OTULIN: variants seen among roughly 807,000 people sequenced by gnomAD.
The protein encoded by OTULIN is OTU deubiquitinase with linear linkage specificity.
A neutral mutation model predicts 39.6 loss-of-function variants in OTULIN; 15 were observed. The observed-to-expected ratio is 0.38, with a 90% CI of 0.25 to 0.58. OTULIN has a LOEUF of 0.58. OTULIN is among the 20% of genes least tolerant of loss of function. The probability of loss-of-function intolerance (pLI) is 0.66; values close to 1 mark genes in which losing one functional copy is unlikely to be tolerated. For missense variants in OTULIN, 319 were observed against 445.9 expected (o/e 0.72, Z 2.56); for synonymous variants, 156 against 170.3 (o/e 0.92, Z 0.65).
Position 14,693,823 on chromosome 5 carries a change from G to A in OTULIN, c.*775G>A, listed in dbSNP as rs1283863514. Reference sequence around the variant, plus strand: ...CTTGCTCCTTGTGACTATGACAGATGTCTGATGCCCCCAGCGCACTGGAGT... The same window carrying A: ...CTTGCTCCTTGTGACTATGACAGATATCTGATGCCCCCAGCGCACTGGAGT... On this transcript the variant is annotated 3_prime_UTR_variant, in exon 7 of 7. Transcript: ENST00000284274. 1 of 152,274 alleles carries A rather than the reference G, an allele frequency of 6.6e-6. No homozygotes were observed. The highest frequency in any genetic ancestry group is 2.4e-5 in the African/African-American group (1 of 41,456). 9.4% of individuals were successfully genotyped at this position (152,274 alleles called of 1,614,324 possible).
chr5:14,680,786 C>T (rs772955527), intron 3 of OTULIN, among the ~76,000 whole-genome samples: 14 of 152,192 alleles, frequency 9.2e-5, no homozygotes, highest in African/African-American at 3.4e-4. Context: ...AGGCGGGGCA[C>T]GGTGGCTCAC....
chr5:14,670,508 C>A (rs1158527590), intron 1 of OTULIN, among the ~76,000 whole-genome samples: 1 of 152,166 alleles, frequency 6.6e-6, no homozygotes, highest in Non-Finnish European at 1.5e-5. Context: ...GTAACTATTT[C>A]ATTCTGCCTG....
intron 3 of OTULIN, among the ~76,000 whole-genome samples, chr5:14,681,144 C>T (rs755783082): frequency 7.9e-5 from 12 of 152,170 alleles, no homozygotes; most frequent in South Asian, 4.1e-4. Context: ...AAAGCACCCC[C>T]GCCCCCCTTT....
the OTULIN span, chr5:14,713,777 G>T: frequency 6.6e-7 from 1 of 1,525,102 alleles, no homozygotes; most frequent in Non-Finnish European, 9.0e-7. This position sits in a 1 kb window ranked among gnomAD's most constrained non-coding sequence, Gnocchi z 4.4. Context: ...CTAGGACCCT[G>T]GCCTTGCTGT....
rs577887208 is a variant in OTULIN, at chr5:14,665,029, C to T, written c.152+52C>T. ...GGCCGTGGGCGGCGGGCTCGGTCCC[C>T]TCCGGAAGCCGGGCTGGGGTGGGGA... On this transcript the variant is annotated intron_variant, in intron 1 of 6. Coordinates refer to ENST00000284274, the MANE Select transcript of OTULIN (RefSeq NM_138348.6). 721 of 1,029,816 alleles carry T rather than the reference C, an allele frequency of 7.0e-4. 8 individuals are homozygous for T. In the African/African-American group the frequency reaches 0.011, roughly 16 times the overall value. 63.8% of individuals were successfully genotyped at this position (1,029,816 alleles called of 1,614,324 possible). A position where few individuals can be genotyped will look rare whatever the true frequency, so the allele number is the denominator to read the frequency against.
intron 1 of OTULIN, 128 bp downstream of exon 1, chr5:14,665,105 C>A (rs1262014854): frequency 2.2e-5 from 17 of 772,266 alleles, no homozygotes; most frequent in Non-Finnish European, 2.1e-5. Flanking sequence ...AGGCCGTTGG[C>A]GACAAGGAGG....
the OTULIN span, chr5:14,709,252 T>TA: frequency 6.6e-6 from 1 of 152,026 alleles, no homozygotes; most frequent in Non-Finnish European, 1.5e-5. Context: ...TCACACATGT[T>TA]AAAAAATACT....
rs577811639 is a variant in OTULIN, at chr5:14,673,528, A to C, written c.153-114A>C. 16 of 651,948 alleles carry C rather than the reference A, an allele frequency of 2.5e-5. No homozygotes were observed. The South Asian group carries it at 4.8e-4, about 20-fold the overall frequency. 40.4% of individuals were successfully genotyped at this position (651,948 alleles called of 1,614,324 possible). ...TATTTTATTAGATTATCATCATGTA[A>C]AGTGAAAAAAGTTAAACCCTTAGTA... On this transcript the variant is annotated intron_variant, in intron 1 of 6. Transcript: ENST00000284274.
chr5:14,689,719 A>G (rs115770898), intron 5 of OTULIN, among the ~76,000 whole-genome samples: 2,217 of 152,200 alleles, frequency 0.015, 51 homozygotes, highest in African/African-American at 0.051. Context: ...CTTCACACAC[A>G]TGTGTTAGCT....
chr5:14,692,963 A>G lies in OTULIN; in HGVS notation c.974A>G (p.Lys325Arg). The change falls in exon 7 of 7, where the codon AAG (lysine) becomes AGG (arginine). Residue 325 changes from lysine to arginine, a missense_variant. Physicochemically the swap from Lys to Arg is conservative, Grantham distance 26. Around this residue, in one of 4 missense-constraint regions of OTULIN, gnomAD observed 106 missense variants for 192.8 expected, o/e 0.55. Coordinates refer to ENST00000284274, the MANE Select transcript of OTULIN (RefSeq NM_138348.6). ...FITVYPTDPPKDWPVVTLIAE... is the reference protein window; with the variant it reads ...FITVYPTDPPRDWPVVTLIAE... ...ACAGTCTACCCCACCGACCCACCCAAGGACTGGCCAGTGGTAACGCTCATT... is the reference window on the plus strand; with the variant it reads ...ACAGTCTACCCCACCGACCCACCCAGGGACTGGCCAGTGGTAACGCTCATT... The G allele has an allele frequency of 6.2e-7, 1 of 1,614,188 alleles. No homozygotes were observed. Among genetic ancestry groups the G allele is most frequent in the Non-Finnish European group, 8.5e-7 (1 of 1,180,036 alleles).
chr5:14,700,133 G>C (rs1370728200), downstream of OTULIN, among the ~76,000 whole-genome samples: 1 of 152,180 alleles, frequency 6.6e-6, no homozygotes, highest in South Asian at 2.1e-4. Flanking sequence ...TTTCCTGGGA[G>C]CCATCTGTTC....
At chr5:14,706,409 A>G in the OTULIN span, 2 of 152,368 alleles carry the variant, frequency 1.3e-5, no homozygotes, top group South Asian at 2.1e-4. Context: ...AGGTTTTTCA[A>G]AAATGATTTA....
At chr5:14,713,290 C>T in the OTULIN span, among the ~76,000 whole-genome samples, 7 of 152,262 alleles carry the variant, frequency 4.6e-5, no homozygotes, top group South Asian at 2.1e-4. The surrounding 1 kb of genome is among the most constrained non-coding windows in gnomAD (Gnocchi z 4.4). Context: ...CGTTCAAGCC[C>T]GTGCAGGGCC....
the OTULIN span, chr5:14,709,827 G>C: frequency 3.5e-4 from 53 of 152,682 alleles, no homozygotes; most frequent in Non-Finnish European, 6.6e-4. Context: ...TTGTATTAGA[G>C]ACATTTTATT....
chr5:14,694,403 A>G lies in OTULIN; in HGVS notation c.*1355A>G, dbSNP rs1736613106. ...GATGGTGTTCACATGAACCGGAGAC[A>G]TCACTCTTTAGGATTCTACTGGCAG... On this transcript the variant is annotated 3_prime_UTR_variant, in exon 7 of 7. Transcript: ENST00000284274. 6.6e-6 allele frequency: 1 copy of G among 152,230 alleles called. No homozygotes were observed. The highest frequency in any genetic ancestry group is 2.4e-5 in the African/African-American group (1 of 41,460). The allele number at this position is 152,230 out of a possible 1,614,324, so 9.4% of individuals were successfully genotyped here. A position where few individuals can be genotyped will look rare whatever the true frequency, so the allele number is the denominator to read the frequency against.
Position 14,681,358 on chromosome 5 carries a change from C to T in OTULIN, c.325-106C>T, listed in dbSNP as rs981905489. 1.4e-5 allele frequency: 19 copies of T among 1,324,784 alleles called. No homozygotes were observed. The Admixed American group carries it at 1.7e-4, about 12-fold the overall frequency. 82.1% of individuals were successfully genotyped at this position (1,324,784 alleles called of 1,614,324 possible). On this transcript the variant is annotated intron_variant, in intron 3 of 6. Coordinates refer to ENST00000284274, the MANE Select transcript of OTULIN (RefSeq NM_138348.6). The stretch of plus-strand genomic sequence containing the variant: ...AGGGACATAAAACTCCAACTTTGGG[C>T]ATCCTCCCAGTGATCCCAGGCCAAG...
chr5:14,665,168 C>A (rs1447319204), intron 1 of OTULIN, among the ~76,000 whole-genome samples, 191 bp downstream of exon 1: 2 of 152,210 alleles, frequency 1.3e-5, no homozygotes, highest in Non-Finnish European at 2.9e-5. Flanking sequence ...ACCCCAGGGC[C>A]CCTCACAATT....
the OTULIN span, among the ~76,000 whole-genome samples, chr5:14,712,218 G>A: frequency 0.16 from 23,735 of 152,196 alleles, 2,025 homozygotes; most frequent in African/African-American, 0.23. Context: ...TGCACGTCAC[G>A]CACCGTGAGC....
the OTULIN span, among the ~76,000 whole-genome samples, chr5:14,714,730 G>A: frequency 5.9e-5 from 9 of 152,164 alleles, no homozygotes; most frequent in Non-Finnish European, 1.3e-4. Flanking sequence ...TAAACTGGTT[G>A]GCCCAAATCC....
Sources: gnomAD v4.1 joint callset for allele counts (sites outside exome capture counted in the v4.1 genomes callset) on GRCh38, gnomAD v4.1.1 for gene constraint, gnomAD v4.1.1 regional missense constraint, Gnocchi (gnomAD v3.1) non-coding constraint, MANE v1.5 for transcripts, NCBI Gene and HGNC (gene_info 2026-07-23, HGNC 2026-07-21) for gene names.